Variants in ZNF264 observed in about 807,000 individuals in gnomAD.
ZNF264 encodes the protein zinc finger protein 264.
Under a neutral mutation model 11.2 loss-of-function variants are expected in ZNF264, and 11 were observed. That is an observed-to-expected ratio of 0.98 (90% confidence interval 0.62 to 1.63). The LOEUF (loss-of-function observed/expected upper bound fraction) is 1.63, where lower values mean the gene tolerates loss of function less well. ZNF264 is among the 40% of genes most tolerant of loss of function. ZNF264 has a pLI of 0.00. For synonymous variants in ZNF264, 309 were observed against 279.8 expected, an observed-to-expected ratio of 1.10 and a Z score of -1.04; for missense variants, 752 against 768.1, an observed-to-expected ratio of 0.98 and a Z score of 0.25.
In ZNF264 at chr19:57,215,423, A is replaced by G. The variant is rs1327810353; in HGVS notation, c.*2442A>G. 1.3e-5 allele frequency: 2 copies of G among 152,112 alleles called. No individual in the cohort carries two copies. Among genetic ancestry groups the G allele is most frequent in the African/African-American group, 2.4e-5 (1 of 41,440 alleles). The allele number at this position is 152,112 out of a possible 1,614,324, so 9.4% of individuals were successfully genotyped here. On this transcript the variant is annotated 3_prime_UTR_variant, in exon 4 of 4. Coordinates refer to ENST00000263095, the MANE Select transcript of ZNF264 (RefSeq NM_003417.5). Reference sequence around the variant, plus strand: ...ATTTTATGATTGAGTCTTCTTAGACATTTATCAGTTTTATTGCGCATCATG... The same window carrying G: ...ATTTTATGATTGAGTCTTCTTAGACGTTTATCAGTTTTATTGCGCATCATG...
chr19:57,201,387 A>G (rs1487105006), intron 2 of ZNF264, among the ~76,000 whole-genome samples: 1 of 151,922 alleles, frequency 6.6e-6, no homozygotes, highest in Admixed American at 6.6e-5. Context: ...TCCCAAGTGT[A>G]ATCAGTCCCC....
Position 57,200,759 on chromosome 19 carries a change from G to A in ZNF264, c.161-4638G>A, listed in dbSNP as rs115450799. Among the ~76,000 whole-genome samples, 930 of 151,822 alleles carry A rather than the reference G, an allele frequency of 6.1e-3. 34 individuals carry two copies. The highest frequency in any genetic ancestry group is 0.022 in the African/African-American group (891 of 41,188). ...CTTAAGTAGCTGGGACTACAGGTGTGTGCCACCACACCCAGTTCGTTTTTG... is the reference window on the plus strand; with the variant it reads ...CTTAAGTAGCTGGGACTACAGGTGTATGCCACCACACCCAGTTCGTTTTTG... On this transcript the variant is annotated intron_variant, in intron 2 of 3. Transcript: ENST00000263095.
chr19:57,193,390 G>A, intron 1 of ZNF264: 1 of 497,858 alleles, frequency 2.0e-6, no homozygotes, highest in Non-Finnish European at 2.6e-6. Context: ...CAGAAATCAA[G>A]GCTCAGAGAA....
rs1047758340 is a variant in ZNF264 at position 57,220,035 on chromosome 19, T to A, written c.*7054T>A. On this transcript the variant is annotated 3_prime_UTR_variant, in exon 4 of 4. Coordinates refer to ENST00000263095, the MANE Select transcript of ZNF264 (RefSeq NM_003417.5). ...AGCATCTGTGTGTGGTAGGTAATGTTGTTTCCTTCATTTTGCAGAGCAGAA... is the reference window on the plus strand; with the variant it reads ...AGCATCTGTGTGTGGTAGGTAATGTAGTTTCCTTCATTTTGCAGAGCAGAA... The A allele has an allele frequency of 2.0e-5, 3 of 151,872 alleles. No homozygotes were observed. The highest frequency in any genetic ancestry group is 2.1e-4 in the South Asian group (1 of 4,828). The allele number at this position is 151,872 out of a possible 1,614,324, so 9.4% of individuals were successfully genotyped here.
In ZNF264 at chr19:57,193,725, T is replaced by A. The variant is rs553923959; in HGVS notation, c.34-150T>A. On this transcript the variant is annotated intron_variant, in intron 1 of 3. Coordinates refer to ENST00000263095, the MANE Select transcript of ZNF264 (RefSeq NM_003417.5). ...GGTATTATGTTAAAAGCATCTATCT[T>A]CCCTCTTGAGCCCAGCACAGAGCTA... The A allele has an allele frequency of 6.7e-6, 8 of 1,194,900 alleles. No homozygotes were observed. The African/African-American group carries it at 1.2e-4, about 19-fold the overall frequency. The allele number at this position is 1,194,900 out of a possible 1,614,324, so 74.0% of individuals were successfully genotyped here. A position where few individuals can be genotyped will look rare whatever the true frequency, so the allele number is the denominator to read the frequency against.
chr19:57,206,250 CT>C (rs558527339), intron 3 of ZNF264, among the ~76,000 whole-genome samples: 30 of 147,300 alleles, frequency 2.0e-4, no homozygotes, highest in Admixed American at 3.4e-4. Flanking sequence ...TATTAGAAAT[CT>C]TTTTTTTTTT....
Position 57,214,697 on chromosome 19 carries a change from A to G in ZNF264, c.*1716A>G, listed in dbSNP as rs1274738442. On this transcript the variant is annotated 3_prime_UTR_variant, in exon 4 of 4. Coordinates refer to ENST00000263095, the MANE Select transcript of ZNF264 (RefSeq NM_003417.5). ...AAGTATAATGTAAGTTTTATAAAAC[A>G]TATGTCCTCTATAAGGGTAAAAAAT... is the stretch of plus-strand genomic sequence containing the variant. 1 of 152,148 alleles carries G rather than the reference A, an allele frequency of 6.6e-6. No homozygotes were observed. The highest frequency in any genetic ancestry group is 1.5e-5 in the Non-Finnish European group (1 of 68,012). 9.4% of individuals were successfully genotyped at this position (152,148 alleles called of 1,614,324 possible). A position where few individuals can be genotyped will look rare whatever the true frequency, so the allele number is the denominator to read the frequency against.
chr19:57,198,944 GT>G (rs2087231736), intron 2 of ZNF264, among the ~76,000 whole-genome samples: 1 of 151,870 alleles, frequency 6.6e-6, no homozygotes, highest in Non-Finnish European at 1.5e-5. Flanking sequence ...CCATGATTCT[GT>G]TTTTGTAATT....
rs990265246 is a variant in ZNF264, at chr19:57,220,859, G to T, written c.*7878G>T. 6.6e-6 allele frequency: 1 copy of T among 152,146 alleles called. No individual in the cohort carries two copies. Among genetic ancestry groups the T allele is most frequent in the Non-Finnish European group, 1.5e-5 (1 of 68,066 alleles). The allele number at this position is 152,146 out of a possible 1,614,324, so 9.4% of individuals were successfully genotyped here. On this transcript the variant is annotated 3_prime_UTR_variant, in exon 4 of 4. Coordinates refer to ENST00000263095, the MANE Select transcript of ZNF264 (RefSeq NM_003417.5). ...GGGTTTCACCATGTTGGCCAGGCTG[G>T]TCTCACACTCCTGACCTCAGGTGAT...
chr19:57,195,117 C>T (rs2087202786), intron 2 of ZNF264: 1 of 322,118 alleles, frequency 3.1e-6, no homozygotes, highest in Non-Finnish European at 5.6e-6. Flanking sequence ...TGAACCCATA[C>T]ACATCTCCTG....
chr19:57,210,377 C>T (rs2087325768), intron 3 of ZNF264, among the ~76,000 whole-genome samples: 1 of 152,196 alleles, frequency 6.6e-6, no homozygotes, highest in Non-Finnish European at 1.5e-5. Flanking sequence ...TTGTCAGGTT[C>T]ACTAATTAGC....
intron 2 of ZNF264, 29 bp downstream of exon 2, chr19:57,194,030 C>T: frequency 6.3e-7 from 1 of 1,575,358 alleles, no homozygotes; most frequent in Non-Finnish European, 8.6e-7. Flanking sequence ...CTCCACCATG[C>T]AGGTGACCTG....
intron 2 of ZNF264, among the ~76,000 whole-genome samples, chr19:57,204,574 A>G (rs746163442): frequency 2.0e-5 from 3 of 152,088 alleles, no homozygotes; most frequent in Non-Finnish European, 4.4e-5. Flanking sequence ...TTGTGTCATG[A>G]TTGTGAGGCC....
intron 2 of ZNF264, among the ~76,000 whole-genome samples, chr19:57,198,137 G>A (rs552130908): frequency 6.6e-6 from 1 of 152,138 alleles, no homozygotes; most frequent in African/African-American, 2.4e-5. Context: ...CAGGAATGGA[G>A]AAAAAGGCAT....
In ZNF264 at chr19:57,221,500, A is replaced by G. The variant is rs1015566311; in HGVS notation, c.*8519A>G. 6.6e-6 allele frequency: 1 copy of G among 152,240 alleles called. No individual in the cohort carries two copies. The highest frequency in any genetic ancestry group is 2.4e-5 in the African/African-American group (1 of 41,458). 9.4% of individuals were successfully genotyped at this position (152,240 alleles called of 1,614,324 possible). Reference sequence around the variant, plus strand: ...ATACTCAACAGCTATGATTTACTGCAGCAAAAAAATACAAAGCAAATAGTA... The same window carrying G: ...ATACTCAACAGCTATGATTTACTGCGGCAAAAAAATACAAAGCAAATAGTA... On this transcript the variant is annotated 3_prime_UTR_variant, in exon 4 of 4. Coordinates refer to ENST00000263095, the MANE Select transcript of ZNF264 (RefSeq NM_003417.5).
At chr19:57,203,109 G>A (rs116291491) in intron 2 of ZNF264, among the ~76,000 whole-genome samples, 2,957 of 152,184 alleles carry the variant, frequency 0.019, 105 homozygotes, top group African/African-American at 0.066. Flanking sequence ...TTTTCCCTGC[G>A]TATTGGGTTT....
In ZNF264 at chr19:57,220,058, G is replaced by A. The variant is rs969645969; in HGVS notation, c.*7077G>A. On this transcript the variant is annotated 3_prime_UTR_variant, in exon 4 of 4. Coordinates refer to ENST00000263095, the MANE Select transcript of ZNF264 (RefSeq NM_003417.5). ...GTTGTTTCCTTCATTTTGCAGAGCA[G>A]AATATAGATAGGCTCAGGTTAAGAA... The A allele has an allele frequency of 1.3e-5, 2 of 152,236 alleles. No individual in the cohort carries two copies. Among genetic ancestry groups the A allele is most frequent in the South Asian group, 2.1e-4 (1 of 4,832 alleles). The allele number at this position is 152,236 out of a possible 1,614,324, so 9.4% of individuals were successfully genotyped here. A position where few individuals can be genotyped will look rare whatever the true frequency, so the allele number is the denominator to read the frequency against.
intron 1 of ZNF264, 123 bp from the exon 2 acceptor site, chr19:57,193,752 G>A (rs898027878): frequency 2.3e-5 from 32 of 1,381,658 alleles, no homozygotes; most frequent in Middle Eastern, 2.3e-4. Context: ...ACAGAGCTAG[G>A]CCCTCAGGAG....
In ZNF264 at chr19:57,212,429, G is replaced by A; in HGVS notation, c.1332G>A (p.Leu444=). 1 of 1,614,066 alleles carries A rather than the reference G, an allele frequency of 6.2e-7. No homozygotes were observed. The highest frequency in any genetic ancestry group is 8.5e-7 in the Non-Finnish European group (1 of 1,180,030). ...TCACCCACTGCTCTACTTTTATCTT[G>A]CATAAAAGGGCCCACACTGGAGAAA... ...KAFTHCSTFI[L]HKRAHTGEKP... The change falls in exon 4 of 4, where the codon TTG becomes TTA. Residue 444 remains leucine (L), a synonymous_variant. Transcript: ENST00000263095.
Sources: gnomAD v4.1 joint callset for allele counts (sites outside exome capture counted in the v4.1 genomes callset) on GRCh38, gnomAD v4.1.1 for gene constraint, MANE v1.5 for transcripts, NCBI Gene and HGNC (gene_info 2026-07-23, HGNC 2026-07-21) for gene names.